The following IL12RB2 variants were observed in gnomAD, a reference collection of about 807,000 sequenced individuals.
The protein encoded by IL12RB2 is interleukin 12 receptor subunit beta 2, also known as interleukin-12 receptor subunit beta-2.
Under a neutral mutation model 89.4 loss-of-function variants are expected in IL12RB2, and 82 were observed. That is an observed-to-expected ratio of 0.92 (90% CI 0.77 to 1.10). The LOEUF (loss-of-function observed/expected upper bound fraction) is 1.10. Ranked by LOEUF, IL12RB2 falls within the 50% of genes least tolerant of loss-of-function variation. The probability of loss-of-function intolerance (pLI) is 0.00; values close to 1 mark genes in which losing one functional copy is unlikely to be tolerated. For missense variants in IL12RB2, 963 were observed against 1,031.9 expected, an observed-to-expected ratio of 0.93 and a Z score of 0.92; for synonymous variants, 368 against 370.1, an observed-to-expected ratio of 0.99 and a Z score of 0.07.
intron 16 of IL12RB2, 76 bp downstream of exon 16, chr1:67,390,204 G>T: frequency 2.5e-6 from 2 of 813,840 alleles, no homozygotes; most frequent in East Asian, 2.5e-5. Flanking sequence ...TTGTAGTTAC[G>T]AGGAAGCCTG....
At chr1:67,319,256 T>A (rs1186758108) in intron 2 of IL12RB2, among the ~76,000 whole-genome samples, 1 of 152,240 alleles carries the variant, frequency 6.6e-6, no homozygotes. Context: ...CCAGCCTACT[T>A]TATGAATTTT....
At chr1:67,386,097 T>C (rs950709739) in intron 14 of IL12RB2, among the ~76,000 whole-genome samples, 3 of 149,566 alleles carry the variant, frequency 2.0e-5, no homozygotes, top group African/African-American at 7.4e-5. Flanking sequence ...TAGTCCCAGC[T>C]GCTCGGGAGG....
chr1:67,346,242 T>C (rs749201099), intron 9 of IL12RB2, among the ~76,000 whole-genome samples: 12 of 152,202 alleles, frequency 7.9e-5, no homozygotes, highest in Non-Finnish European at 1.3e-4. Flanking sequence ...TGAAGATTAA[T>C]GAAATCGTTG....
chr1:67,326,598 T>C (rs1376422286), intron 4 of IL12RB2, 137 bp from the exon 5 acceptor site: 1 of 1,406,044 alleles, frequency 7.1e-7, no homozygotes, highest in Non-Finnish European at 9.6e-7. Flanking sequence ...GGGACTTGAA[T>C]GGAATCTAAA....
rs1570255677 is a variant in IL12RB2 at position 67,396,271 on chromosome 1, A to G, written c.*182A>G. On this transcript the variant is annotated 3_prime_UTR_variant, in exon 17 of 17. Coordinates refer to ENST00000674203, the MANE Select transcript of IL12RB2 (RefSeq NM_001374259.2). ...GAACTGGGAGTTGGTCTTCACTCAG[A>G]TGCCTCATCTTGCCTTTCCCAGGGC... 4 of 693,036 alleles carry G rather than the reference A, an allele frequency of 5.8e-6. No homozygotes were observed. The allele number at this position is 693,036 out of a possible 1,614,324, so 42.9% of individuals were successfully genotyped here. A position where few individuals can be genotyped will look rare whatever the true frequency, so the allele number is the denominator to read the frequency against.
rs772290732 is a variant in IL12RB2 at position 67,338,633 on chromosome 1, G to A, written c.968G>A (p.Gly323Glu). The A allele has an allele frequency of 4.7e-6, 7 of 1,479,222 alleles. No individual in the cohort carries two copies. The highest frequency in any genetic ancestry group is 6.6e-6 in the Non-Finnish European group (7 of 1,056,600). 91.6% of individuals were successfully genotyped at this position (1,479,222 alleles called of 1,614,324 possible). Residue 323 changes from glycine (G) to glutamate (E), a missense_variant, in exon 9 of 17, where the codon GGG becomes GAG. Coordinates refer to ENST00000674203, the MANE Select transcript of IL12RB2 (RefSeq NM_001374259.2). ...RAQTPEEEPT[G>E]MLDVWYMKRH... The stretch of plus-strand genomic sequence containing the variant: ...TTCTCCTTTGAAACAGAGCCTACTG[G>A]GATGTTAGATGTCTGGTACATGAAA...
chr1:67,328,506 C>A, intron 6 of IL12RB2, 122 bp downstream of exon 6: 2 of 1,537,328 alleles, frequency 1.3e-6, no homozygotes, highest in Admixed American at 1.9e-5. Flanking sequence ...CAGGCATAAG[C>A]AAAAGATAGA....
intron 16 of IL12RB2, among the ~76,000 whole-genome samples, chr1:67,391,662 A>C (rs1381424005): frequency 6.7e-6 from 1 of 150,222 alleles, no homozygotes; most frequent in Non-Finnish European, 1.5e-5. Flanking sequence ...TTTGAGACAG[A>C]GTCTTGTTCT....
rs1484801877 is a variant in IL12RB2 at position 67,398,346 on chromosome 1, G to A, written c.*2257G>A. Among the ~76,000 whole-genome samples, 3 of 151,728 alleles carry A rather than the reference G, an allele frequency of 2.0e-5. No homozygotes were observed. The highest frequency in any genetic ancestry group is 4.4e-5 in the Non-Finnish European group (3 of 67,954). ...CAATACCTGGTTTTTCCTATCTTTGGTTTCCTTTTGATTATCTCTCATCCA... is the reference window on the plus strand; with the variant it reads ...CAATACCTGGTTTTTCCTATCTTTGATTTCCTTTTGATTATCTCTCATCCA... On this transcript the variant is annotated 3_prime_UTR_variant, in exon 17 of 17. Coordinates refer to ENST00000674203, the MANE Select transcript of IL12RB2 (RefSeq NM_001374259.2).
At chr1:67,349,025 G>T (rs1451256011) in intron 9 of IL12RB2, among the ~76,000 whole-genome samples, 1 of 152,258 alleles carries the variant, frequency 6.6e-6, no homozygotes, top group African/African-American at 2.4e-5. Flanking sequence ...AAATCTTTAT[G>T]ATCCGTCAGA....
At chr1:67,345,545 T>A (rs1043369719) in intron 9 of IL12RB2, among the ~76,000 whole-genome samples, 1 of 152,206 alleles carries the variant, frequency 6.6e-6, no homozygotes, top group Admixed American at 6.5e-5. Flanking sequence ...AGGACAAAGG[T>A]CTATTGTAAA....
Position 67,397,819 on chromosome 1 carries a change from C to G in IL12RB2, c.*1730C>G, listed in dbSNP as rs1209815158. ...GGAACTGAGATGGCTTCCCCATCAT[C>G]GTCTGGATTTTCATTTAACAAAGTA... On this transcript the variant is annotated 3_prime_UTR_variant, in exon 17 of 17. Transcript: ENST00000674203. 6.6e-6 allele frequency among the ~76,000 whole-genome samples: 1 copy of G among 152,146 alleles called. No homozygotes were observed. The highest frequency in any genetic ancestry group is 1.5e-5 in the Non-Finnish European group (1 of 68,044).
At chr1:67,384,659 A>ATGTTC (rs1664952393) in intron 14 of IL12RB2, among the ~76,000 whole-genome samples, 1 of 152,144 alleles carries the variant, frequency 6.6e-6, no homozygotes, top group East Asian at 1.9e-4. Flanking sequence ...CCAAACTTCT[A>ATGTTC]TGTTCTGCTT....
At chr1:67,318,760 A>T (rs1019673345) in intron 2 of IL12RB2, among the ~76,000 whole-genome samples, 1 of 152,156 alleles carries the variant, frequency 6.6e-6, no homozygotes, top group South Asian at 2.1e-4. Context: ...GGTAATGCCA[A>T]GGAGACAGAT....
chr1:67,330,780 G>T lies in IL12RB2; in HGVS notation c.928G>T (p.Glu310Ter). Reference sequence around the variant, plus strand: ...TAAGGGAAGTTGGAGTGATTGGAGTGAATCATTGAGAGCACAAACACCAGA... The same window carrying T: ...TAAGGGAAGTTGGAGTGATTGGAGTTAATCATTGAGAGCACAAACACCAGA... ...LYKGSWSDWS[E>*]SLRAQTPEEE... The change falls in exon 8 of 17, where the codon GAA becomes TAA. Residue 310 changes from glutamate (E) to a stop codon, truncating the protein, a stop_gained. Coordinates refer to ENST00000674203, the MANE Select transcript of IL12RB2 (RefSeq NM_001374259.2). LOFTEE classifies it high-confidence loss of function. The T allele has an allele frequency of 6.3e-7, 1 of 1,575,524 alleles. No homozygotes were observed. The highest frequency in any genetic ancestry group is 8.7e-7 in the Non-Finnish European group (1 of 1,145,094).
chr1:67,324,094 T>C (rs985907795), intron 4 of IL12RB2, among the ~76,000 whole-genome samples: 5 of 152,218 alleles, frequency 3.3e-5, no homozygotes, highest in Non-Finnish European at 5.9e-5. Flanking sequence ...GTTAATATAG[T>C]ATTCTATATG....
In IL12RB2 at chr1:67,367,820, TA is replaced by T; in HGVS notation, c.1259-2del. The T allele has an allele frequency of 1.3e-6, 2 of 1,508,396 alleles. No homozygotes were observed. Among genetic ancestry groups the T allele is most frequent in the Non-Finnish European group, 1.8e-6 (2 of 1,083,938 alleles). 93.4% of individuals were successfully genotyped at this position (1,508,396 alleles called of 1,614,324 possible). On this transcript the variant is annotated splice_region_variant and splice_polypyrimidine_tract_variant and intron_variant, in intron 10 of 16. Transcript: ENST00000674203. ...TTTTGTTTCTCCTCTTTCTGTCCGA[TA>T]AAGGGTTGCTGGCTCCTCGCCAGGT...
intron 8 of IL12RB2, 113 bp downstream of exon 8, chr1:67,330,923 A>C (rs948888860): frequency 2.9e-5 from 22 of 761,760 alleles, no homozygotes; most frequent in African/African-American, 6.8e-5. Context: ...TGAATCAAAA[A>C]GCATGACTGC....
chr1:67,367,190 TGAGATCA>T (rs1347830726), intron 10 of IL12RB2, among the ~76,000 whole-genome samples: 1 of 151,782 alleles, frequency 6.6e-6, no homozygotes, highest in Admixed American at 6.6e-5. Context: ...CCCAGGAGTT[TGAGATCA>T]GCCTGGGCAA....
Sources: gnomAD v4.1 joint callset for allele counts (sites outside exome capture counted in the v4.1 genomes callset) on GRCh38, gnomAD v4.1.1 for gene constraint, MANE v1.5 for transcripts, NCBI Gene and HGNC (gene_info 2026-07-23, HGNC 2026-07-21) for gene names.